Variants in POLR1G observed in about 807,000 individuals in gnomAD.
The protein encoded by POLR1G is RNA polymerase I subunit G.
In POLR1G, 9 loss-of-function variants were observed where a neutral mutation model predicts 6.3. That is an observed-to-expected ratio of 1.44 (90% CI 0.87 to 2.51). The LOEUF (loss-of-function observed/expected upper bound fraction) is 2.51. Ranked by LOEUF, POLR1G falls within the 30% of genes most tolerant of loss-of-function variation. POLR1G has a pLI of 0.00. For missense variants in POLR1G, 617 were observed against 632.5 expected (o/e 0.98, Z 0.26); for synonymous variants, 248 against 256.5 (o/e 0.97, Z 0.32).
rs778183041 is a variant in POLR1G at position 45,407,106 on chromosome 19, TCTC to T, written c.36_38del (p.Ser13del). 2.5e-6 allele frequency: 4 copies of T among 1,597,276 alleles called. No homozygotes were observed. The African/African-American group carries it at 5.4e-5, about 22-fold the overall frequency. On this transcript the variant is annotated inframe_deletion, in exon 2 of 3. Transcript: ENST00000309424. ...CCTTCTGCTGCAGATGCTGCTCGGTTCTCTTGTCCCCCCAACTTTACCGCGAAG... is the reference window on the plus strand; with the variant it reads ...CCTTCTGCTGCAGATGCTGCTCGGTTTTGTCCCCCCAACTTTACCGCGAAG...
In POLR1G at chr19:45,409,743, A is replaced by G. The variant is rs1262924942; in HGVS notation, c.*242A>G. 2 of 789,096 alleles carry G rather than the reference A, an allele frequency of 2.5e-6. No individual in the cohort carries two copies. The highest frequency in any genetic ancestry group is 4.7e-6 in the Non-Finnish European group (2 of 429,328). The allele number at this position is 789,096 out of a possible 1,614,324, so 48.9% of individuals were successfully genotyped here. On this transcript the variant is annotated 3_prime_UTR_variant, in exon 3 of 3. Coordinates refer to ENST00000309424, the MANE Select transcript of POLR1G (RefSeq NM_012099.3). ...CTCCGGGCCTGGATGGGAGGGAGAA[A>G]AAAATGAGGAACCAGTCATTAAAGG...
chr19:45,409,035 C>T lies in POLR1G; in HGVS notation c.1067C>T (p.Pro356Leu), dbSNP rs1219181363. The change falls in exon 3 of 3, where the codon CCT becomes CTT. Residue 356 changes from proline to leucine, a missense_variant. Physicochemically the swap from Pro to Leu is moderately conservative, Grantham distance 98. Coordinates refer to ENST00000309424, the MANE Select transcript of POLR1G (RefSeq NM_012099.3). Reference protein sequence around the residue: ...AMEPVEPEMKPLESPGGTMAP... With the variant: ...AMEPVEPEMKLLESPGGTMAP... ...GAGCCAGTGGAGCCGGAGATGAAGC[C>T]TCTGGAGTCCCCAGGGGGGACCATG... The T allele has an allele frequency of 6.2e-7, 1 of 1,614,072 alleles. No individual in the cohort carries two copies. The highest frequency in any genetic ancestry group is 1.7e-5 in the Admixed American group (1 of 59,996).
chr19:45,406,651 T>C lies in POLR1G; in HGVS notation c.-46T>C. The C allele has an allele frequency of 6.5e-7, 1 of 1,546,396 alleles. No individual in the cohort carries two copies. Among genetic ancestry groups the C allele is most frequent in the Non-Finnish European group, 8.7e-7 (1 of 1,144,980 alleles). On this transcript the variant is annotated 5_prime_UTR_variant, in exon 1 of 3. Coordinates refer to ENST00000309424, the MANE Select transcript of POLR1G (RefSeq NM_012099.3). This position sits in a 1 kb window ranked among gnomAD's most constrained non-coding sequence, Gnocchi z 4.2. ...TGGATCCACGTGGTCTGCAACCTGG[T>C]GCGAGCAGCCCGGGCTACAGGGTTG...
Position 45,410,011 on chromosome 19 carries a change from C to T in POLR1G, c.*510C>T, listed in dbSNP as rs1456026378. ...GGTTCACGCCATTCTCCTGCCTCAG[C>T]CTCCTGAGTAGCTGGGACTACAGGC... On this transcript the variant is annotated 3_prime_UTR_variant, in exon 3 of 3. Coordinates refer to ENST00000309424, the MANE Select transcript of POLR1G (RefSeq NM_012099.3). 3 of 166,368 alleles carry T rather than the reference C, an allele frequency of 1.8e-5. No homozygotes were observed. Among genetic ancestry groups the T allele is most frequent in the Non-Finnish European group, 2.5e-5 (2 of 80,014 alleles). The allele number at this position is 166,368 out of a possible 1,614,324, so 10.3% of individuals were successfully genotyped here.
Position 45,407,078 on chromosome 19 carries a change from T to C in POLR1G, c.23-16T>C. 2 of 1,584,826 alleles carry C rather than the reference T, an allele frequency of 1.3e-6. No homozygotes were observed. Among genetic ancestry groups the C allele is most frequent in the Non-Finnish European group, 1.7e-6 (2 of 1,170,110 alleles). Reference sequence around the variant, plus strand: ...CAAGGAGGTGTCAGTCGACCCCATTTCCCCTTCTGCTGCAGATGCTGCTCG... The same window carrying C: ...CAAGGAGGTGTCAGTCGACCCCATTCCCCCTTCTGCTGCAGATGCTGCTCG... On this transcript the variant is annotated splice_polypyrimidine_tract_variant and intron_variant, in intron 1 of 2. Coordinates refer to ENST00000309424, the MANE Select transcript of POLR1G (RefSeq NM_012099.3).
Position 45,409,823 on chromosome 19 carries a change from A to G in POLR1G, c.*322A>G. The G allele has an allele frequency of 1.4e-6, 1 of 711,590 alleles. No individual in the cohort carries two copies. The highest frequency in any genetic ancestry group is 1.5e-5 in the South Asian group (1 of 67,044). The allele number at this position is 711,590 out of a possible 1,614,324, so 44.1% of individuals were successfully genotyped here. A position where few individuals can be genotyped will look rare whatever the true frequency, so the allele number is the denominator to read the frequency against. ...GTTTTGGTTCTTTATTTTCCCCTAT[A>G]CCCTCAAGCATTTATCCATTGAGTT... is the stretch of plus-strand genomic sequence containing the variant. On this transcript the variant is annotated 3_prime_UTR_variant, in exon 3 of 3. Coordinates refer to ENST00000309424, the MANE Select transcript of POLR1G (RefSeq NM_012099.3).
rs1973620507 is a variant in POLR1G at position 45,410,112 on chromosome 19, C to G, written c.*611C>G. 6.4e-6 allele frequency: 1 copy of G among 155,534 alleles called. No individual in the cohort carries two copies. The highest frequency in any genetic ancestry group is 1.4e-5 in the Non-Finnish European group (1 of 71,188). 9.6% of individuals were successfully genotyped at this position (155,534 alleles called of 1,614,324 possible). On this transcript the variant is annotated 3_prime_UTR_variant, in exon 3 of 3. Transcript: ENST00000309424. ...CCACGTTAGCCAGGATGGTCTCGAT[C>G]TCCTGACCTCCTGATGCGCCTGCCT...
rs1183029489 is a variant in POLR1G, at chr19:45,408,664, A to G, written c.696A>G (p.Thr232=). Reference sequence around the variant, plus strand: ...CAGAGGCAGCAGGGCCTGTGGGGACAGAGCCCACAGTGGAGACACTGGAGC... The same window carrying G: ...CAGAGGCAGCAGGGCCTGTGGGGACGGAGCCCACAGTGGAGACACTGGAGC... ...KEPEAAGPVG[T]EPTVETLEPL... The change falls in exon 3 of 3, where the codon ACA becomes ACG. Residue 232 remains threonine, a synonymous_variant. Coordinates refer to ENST00000309424, the MANE Select transcript of POLR1G (RefSeq NM_012099.3). 6.2e-7 allele frequency: 1 copy of G among 1,613,882 alleles called. No individual in the cohort carries two copies. Among genetic ancestry groups the G allele is most frequent in the African/African-American group, 1.3e-5 (1 of 74,924 alleles).
intron 2 of POLR1G, chr19:45,407,439 T>C (rs544748650): frequency 1.8e-6 from 1 of 548,858 alleles, no homozygotes; most frequent in Non-Finnish European, 3.1e-6. Context: ...TTTCTACTTA[T>C]AAGAAACTAT....
At position 45,410,598 on chromosome 19, in the gene POLR1G, G is replaced by GTGTGTGTGTGTGTGTGTGT. The variant is rs1187372053; in HGVS notation, c.*1098_*1099insGTGTGTGTGTGTGTGTGTT. On this transcript the variant is annotated 3_prime_UTR_variant, in exon 3 of 3. Coordinates refer to ENST00000309424, the MANE Select transcript of POLR1G (RefSeq NM_012099.3). ...GTGTGTGTGTGTGTGTGTGTGTGTG[G>GTGTGTGTGTGTGTGTGTGT]TACCCATTAACCTTCCCCATCTCCC... 4 of 58,654 alleles carry GTGTGTGTGTGTGTGTGTGT rather than the reference G, an allele frequency of 6.8e-5. No homozygotes were observed. Among genetic ancestry groups the GTGTGTGTGTGTGTGTGTGT allele is most frequent in the East Asian group, 1.2e-3 (1 of 838 alleles). The allele number at this position is 58,654 out of a possible 1,614,324, so 3.6% of individuals were successfully genotyped here.
chr19:45,408,419 G>C lies in POLR1G; in HGVS notation c.451G>C (p.Ala151Pro). The C allele has an allele frequency of 6.2e-7, 1 of 1,613,652 alleles. No homozygotes were observed. Among genetic ancestry groups the C allele is most frequent in the Non-Finnish European group, 8.5e-7 (1 of 1,179,864 alleles). ...IPPGLRPRFC[A>P]FGGNPPVTGP... ...TCCTGGCCTGAGGCCTCGGTTCTGT[G>C]CCTTTGGGGGCAACCCACCAGTCAC... The change falls in exon 3 of 3, where the codon GCC (alanine) becomes CCC (proline). Residue 151 changes from alanine to proline, a missense_variant. Transcript: ENST00000309424.
chr19:45,407,753 GT>G (rs1437989290), intron 2 of POLR1G: 1 of 251,966 alleles, frequency 4.0e-6, no homozygotes, highest in African/African-American at 2.2e-5. Flanking sequence ...CTCTAGTCAT[GT>G]TTTATTAAAA....
chr19:45,409,685 T>C lies in POLR1G; in HGVS notation c.*184T>C. On this transcript the variant is annotated 3_prime_UTR_variant, in exon 3 of 3. Coordinates refer to ENST00000309424, the MANE Select transcript of POLR1G (RefSeq NM_012099.3). ...TGGCAGCTGGGGTCATCAGGGTACT[T>C]TCAAGAAGGGCTCGTGCAGGACATC... The C allele has an allele frequency of 9.2e-7, 1 of 1,083,718 alleles. No individual in the cohort carries two copies. The highest frequency in any genetic ancestry group is 1.4e-6 in the Non-Finnish European group (1 of 695,966). 67.1% of individuals were successfully genotyped at this position (1,083,718 alleles called of 1,614,324 possible).
In POLR1G at chr19:45,408,659, G is replaced by A. The variant is rs796868856; in HGVS notation, c.691G>A (p.Gly231Arg). The change falls in exon 3 of 3, where the codon GGG (glycine) becomes AGG (arginine). Residue 231 changes from glycine (G) to arginine (R), a missense_variant. Coordinates refer to ENST00000309424, the MANE Select transcript of POLR1G (RefSeq NM_012099.3). Reference protein sequence around the residue: ...LKEPEAAGPVGTEPTVETLEP... With the variant: ...LKEPEAAGPVRTEPTVETLEP... Reference sequence around the variant, plus strand: ...AGAACCAGAGGCAGCAGGGCCTGTGGGGACAGAGCCCACAGTGGAGACACT... The same window carrying A: ...AGAACCAGAGGCAGCAGGGCCTGTGAGGACAGAGCCCACAGTGGAGACACT... 1 of 1,613,910 alleles carries A rather than the reference G, an allele frequency of 6.2e-7. No homozygotes were observed. Among genetic ancestry groups the A allele is most frequent in the Admixed American group, 1.7e-5 (1 of 60,006 alleles).
chr19:45,406,959 G>A lies in POLR1G; in HGVS notation c.23-135G>A, dbSNP rs1973387746. 2 of 1,266,756 alleles carry A rather than the reference G, an allele frequency of 1.6e-6. No homozygotes were observed. The highest frequency in any genetic ancestry group is 2.5e-5 in the East Asian group (1 of 40,112). 78.5% of individuals were successfully genotyped at this position (1,266,756 alleles called of 1,614,324 possible). On this transcript the variant is annotated intron_variant, in intron 1 of 2. Coordinates refer to ENST00000309424, the MANE Select transcript of POLR1G (RefSeq NM_012099.3). The surrounding 1 kb of genome is among the most constrained non-coding windows in gnomAD (Gnocchi z 4.2). ...AATTGAGGTCGCCCCTGGGGAACAG[G>A]TGGGCAGAAAGGAGAAACCAGGTTG...
Position 45,409,246 on chromosome 19 carries a change from GAAGA to G in POLR1G, c.1283_1286del (p.Lys428ArgfsTer6), listed in dbSNP as rs778473284. On this transcript the variant is annotated frameshift_variant, in exon 3 of 3. Coordinates refer to ENST00000309424, the MANE Select transcript of POLR1G (RefSeq NM_012099.3). LOFTEE classifies it low-confidence loss of function (END_TRUNC). ...CCACATCCACCAAGAAGAAGAAGAA[GAAGA>G]AAGAGAGAGGTCACACAGTGACTGA... 17 of 1,613,616 alleles carry G rather than the reference GAAGA, an allele frequency of 1.1e-5. No individual in the cohort carries two copies. The highest frequency in any genetic ancestry group is 2.2e-5 in the South Asian group (2 of 91,034).
In POLR1G at chr19:45,409,603, G is replaced by C. The variant is rs743571; in HGVS notation, c.*102G>C. The C allele has an allele frequency of 6.3e-7, 1 of 1,576,638 alleles. No homozygotes were observed. The highest frequency in any genetic ancestry group is 1.8e-5 in the Admixed American group (1 of 54,776). ...ATCCCTCCCCAGAGACTGCACCAGC[G>C]CAGCCAGCAGGAGCCTGGCCTGGGA... is the stretch of plus-strand genomic sequence containing the variant. On this transcript the variant is annotated 3_prime_UTR_variant, in exon 3 of 3. Transcript: ENST00000309424.
Position 45,410,501 on chromosome 19 carries a change from CCATT to C in POLR1G, c.*1001_*1004del, listed in dbSNP as rs1303285697. ...CCCTGCCAAGTTATTTTAAAATGTA[CCATT>C]ATTATTGACTATAGTCACCTGGTTG... On this transcript the variant is annotated 3_prime_UTR_variant, in exon 3 of 3. Transcript: ENST00000309424. 1 of 151,176 alleles carries C rather than the reference CCATT, an allele frequency of 6.6e-6. No homozygotes were observed. Among genetic ancestry groups the C allele is most frequent in the Non-Finnish European group, 1.5e-5 (1 of 67,938 alleles). 9.4% of individuals were successfully genotyped at this position (151,176 alleles called of 1,614,324 possible). A position where few individuals can be genotyped will look rare whatever the true frequency, so the allele number is the denominator to read the frequency against.
Position 45,409,182 on chromosome 19 carries a change from G to T in POLR1G, c.1214G>T (p.Gly405Val), listed in dbSNP as rs201676132. The change falls in exon 3 of 3, where the codon GGG becomes GTG. Residue 405 changes from glycine (G) to valine (V), a missense_variant. By Grantham distance (109) the Gly-to-Val change is moderately radical. Transcript: ENST00000309424. ...GTGGAGCCAGAGACAGAGGTGGTGGGGCCTGAGCTGCCGGATGACCTTGAG... is the reference window on the plus strand; with the variant it reads ...GTGGAGCCAGAGACAGAGGTGGTGGTGCCTGAGCTGCCGGATGACCTTGAG... ...ATVEPETEVV[G>V]PELPDDLEPQ... is the part of the protein sequence containing the mutation. 6.2e-5 allele frequency: 100 copies of T among 1,613,342 alleles called. No individual in the cohort carries two copies. Among genetic ancestry groups the T allele is most frequent in the Non-Finnish European group, 8.2e-5 (97 of 1,179,674 alleles).
Sources: gnomAD v4.1 joint callset for allele counts on GRCh38, gnomAD v4.1.1 for gene constraint, Gnocchi (gnomAD v3.1) non-coding constraint, MANE v1.5 for transcripts, NCBI Gene and HGNC (gene_info 2026-07-23, HGNC 2026-07-21) for gene names.